Variants in MTMR8 observed in about 807,000 individuals in gnomAD.
The protein encoded by MTMR8 is myotubularin related protein 8.
Under a neutral mutation model 39.3 loss-of-function variants are expected in MTMR8, and 65 were observed. The ratio of observed to expected loss-of-function variants is 1.65; its 90% CI spans 1.35 to 2.03. The LOEUF is 2.03. Ranked by LOEUF, MTMR8 falls within the 30% of genes most tolerant of loss-of-function variation. MTMR8 has a pLI of 0.00. For missense variants in MTMR8, 777 were observed against 538.9 expected (o/e 1.44, Z -4.37); for synonymous variants, 245 against 185.2 (o/e 1.32, Z -2.62).
chrX:64,284,629 G>A (rs867588377), intron 12 of MTMR8, among the ~76,000 whole-genome samples: 2 of 112,063 alleles, frequency 1.8e-5, no homozygotes, highest in Non-Finnish European at 3.8e-5. Flanking sequence ...GAATCTCTCA[G>A]CAGAAACTCT....
At chrX:64,319,414 C>A (rs923319976) in intron 12 of MTMR8, among the ~76,000 whole-genome samples, 1 of 112,110 alleles carries the variant, frequency 8.9e-6, no homozygotes, top group African/African-American at 3.2e-5. Context: ...TTAATTAGAT[C>A]CCATTTGTCA....
At chrX:64,380,902 T>A (rs1924397620) in intron 1 of MTMR8, among the ~76,000 whole-genome samples, 2 of 111,899 alleles carry the variant, frequency 1.8e-5, no homozygotes, top group Non-Finnish European at 3.8e-5. Context: ...GCTTCATCCA[T>A]GACCCTACAA....
At chrX:64,381,989 C>T (rs997336529) in intron 1 of MTMR8, among the ~76,000 whole-genome samples, 3 of 111,599 alleles carry the variant, frequency 2.7e-5, no homozygotes, top group African/African-American at 3.3e-5. Flanking sequence ...CAGTACCATG[C>T]TGTTTTGGTT....
At chrX:64,316,539 TCAGGAGGCTGAGG>T (rs910312230) in intron 12 of MTMR8, among the ~76,000 whole-genome samples, 1 of 111,307 alleles carries the variant, frequency 9.0e-6, no homozygotes, top group African/African-American at 3.3e-5. Context: ...TCCCAGCTAC[TCAGGAGGCTGAGG>T]CAGGAGGATC....
chrX:64,310,464 G>T (rs1224613163), intron 12 of MTMR8, among the ~76,000 whole-genome samples: 5 of 111,331 alleles, frequency 4.5e-5, no homozygotes, highest in African/African-American at 1.6e-4. Context: ...TGTTAATGTT[G>T]ATATTCTGAC....
intron 1 of MTMR8, among the ~76,000 whole-genome samples, chrX:64,394,639 C>A (rs1203287861): frequency 1.8e-5 from 2 of 111,900 alleles, no homozygotes; most frequent in Non-Finnish European, 3.8e-5. Flanking sequence ...GGAGTAGGAT[C>A]TGGAAAGATG....
intron 8 of MTMR8, 66 bp downstream of exon 8, chrX:64,343,545 C>T (rs1359462484): frequency 4.6e-6 from 3 of 648,950 alleles, no homozygotes; most frequent in Non-Finnish European, 7.2e-6. Flanking sequence ...TCCACCATGG[C>T]ACACTACTAC....
intron 1 of MTMR8, among the ~76,000 whole-genome samples, chrX:64,369,923 A>T (rs1308369343): frequency 9.0e-6 from 1 of 111,471 alleles, no homozygotes; most frequent in Non-Finnish European, 1.9e-5. Context: ...TAAGAGAATG[A>T]TATACAGAAG....
intron 12 of MTMR8, among the ~76,000 whole-genome samples, chrX:64,273,218 T>TA (rs1386762444): frequency 1.4e-4 from 16 of 111,615 alleles, no homozygotes; most frequent in Admixed American, 1.9e-4. Flanking sequence ...GTATAAAGTT[T>TA]AAAAAAGTAT....
chrX:64,288,291 A>G (rs1000387912), intron 12 of MTMR8, among the ~76,000 whole-genome samples: 6 of 111,284 alleles, frequency 5.4e-5, no homozygotes, highest in African/African-American at 9.8e-5. Context: ...TGGCCATCAG[A>G]GAAATGCAAA....
chrX:64,379,877 T>C (rs185028283), intron 1 of MTMR8, among the ~76,000 whole-genome samples: 1,252 of 111,439 alleles, frequency 0.011, 7 homozygotes, highest in Non-Finnish European at 0.018. Context: ...TGGTTCATCA[T>C]TTAACAATCA....
At chrX:64,288,105 C>T (rs1236301745) in intron 12 of MTMR8, among the ~76,000 whole-genome samples, 3 of 98,406 alleles carry the variant, frequency 3.0e-5, no homozygotes, top group Non-Finnish European at 6.1e-5. Flanking sequence ...TTGCAATCTA[C>T]TCCTCTGACA....
chrX:64,389,295 T>G (rs1205991555), intron 1 of MTMR8, among the ~76,000 whole-genome samples: 2 of 111,579 alleles, frequency 1.8e-5, no homozygotes, highest in African/African-American at 6.5e-5. Flanking sequence ...GGGCCAGAAT[T>G]CAGGTCTCCT....
intron 12 of MTMR8, among the ~76,000 whole-genome samples, chrX:64,284,908 T>C (rs1028030688): frequency 8.9e-6 from 1 of 111,899 alleles, no homozygotes; most frequent in African/African-American, 3.3e-5. Flanking sequence ...AGGAAGAAAC[T>C]GAATCAACTA....
At chrX:64,318,238 C>A (rs1451519723) in intron 12 of MTMR8, among the ~76,000 whole-genome samples, 1 of 112,215 alleles carries the variant, frequency 8.9e-6, no homozygotes, top group Non-Finnish European at 1.9e-5. Context: ...TGGCAGGGGG[C>A]CATTTGGGTA....
At chrX:64,392,686 C>A in intron 1 of MTMR8, among the ~76,000 whole-genome samples, 2 of 111,123 alleles carry the variant, frequency 1.8e-5, no homozygotes, top group Admixed American at 1.9e-4. Context: ...TACTTCCAAT[C>A]TATACACTTT....
chrX:64,348,544 C>A, intron 6 of MTMR8, 116 bp downstream of exon 6: 1 of 905,180 alleles, frequency 1.1e-6, no homozygotes, highest in Non-Finnish European at 1.5e-6. Context: ...CAATGTCTGA[C>A]ATAATAAACA....
At chrX:64,303,015 T>G (rs1463684508) in intron 12 of MTMR8, among the ~76,000 whole-genome samples, 1 of 112,662 alleles carries the variant, frequency 8.9e-6, no homozygotes, top group Admixed American at 9.4e-5. Flanking sequence ...GGTGCAAATC[T>G]GTCAAAGGAT....
chrX:64,339,143 T>C (rs1340655237), intron 8 of MTMR8, among the ~76,000 whole-genome samples: 1 of 111,289 alleles, frequency 9.0e-6, no homozygotes, highest in African/African-American at 3.3e-5. Context: ...GAGATAGTAG[T>C]ATACACTGTG....
Sources: gnomAD v4.1 joint callset for allele counts (sites outside exome capture counted in the v4.1 genomes callset) on GRCh38, gnomAD v4.1.1 for gene constraint, MANE v1.5 for transcripts, NCBI Gene and HGNC (gene_info 2026-07-23, HGNC 2026-07-21) for gene names.